GRIK2: variants seen among roughly 807,000 people sequenced by gnomAD.
GRIK2 encodes glutamate receptor ionotropic, kainate 2.
In GRIK2, 32 loss-of-function variants were observed where a neutral mutation model predicts 100.3. The observed-to-expected ratio is 0.32, with a 90% CI of 0.24 to 0.43. The LOEUF is 0.43. Ranked by LOEUF, GRIK2 falls within the 20% of genes least tolerant of loss-of-function variation. GRIK2 has a pLI of 1.00. For missense variants in GRIK2, 843 were observed against 1,114.9 expected (o/e 0.76, Z 3.47); for synonymous variants, 417 against 389.4 (o/e 1.07, Z -0.83).
chr6:101,783,295 A>G (rs1369140471), intron 7 of GRIK2, among the ~76,000 whole-genome samples: 1 of 151,572 alleles, frequency 6.6e-6, no homozygotes, highest in African/African-American at 2.4e-5. Context: ...TGATTTTCAA[A>G]GTGACAGTTT....
intron 2 of GRIK2, among the ~76,000 whole-genome samples, chr6:101,596,230 T>TC (rs1778923428): frequency 7.1e-6 from 1 of 140,330 alleles, no homozygotes; most frequent in Non-Finnish European, 1.6e-5. Flanking sequence ...TGCTGTGTCC[T>TC]TTTTTTTTTT....
chr6:101,880,381 AC>A (rs1786163552), intron 11 of GRIK2, among the ~76,000 whole-genome samples: 2 of 151,928 alleles, frequency 1.3e-5, no homozygotes. Context: ...TAACCACTCC[AC>A]TGATCTCTTG....
At chr6:101,755,112 C>G (rs1004475044) in intron 7 of GRIK2, among the ~76,000 whole-genome samples, 10 of 151,726 alleles carry the variant, frequency 6.6e-5, no homozygotes, top group African/African-American at 2.4e-4. Flanking sequence ...AACTCACTGT[C>G]CCTTATGACA....
At chr6:101,784,282 G>A (rs1192557038) in intron 7 of GRIK2, among the ~76,000 whole-genome samples, 1 of 152,234 alleles carries the variant, frequency 6.6e-6, no homozygotes, top group Non-Finnish European at 1.5e-5. Flanking sequence ...TCCAGTTCCA[G>A]CTCCAGCAGT....
At chr6:101,920,135 A>G (rs764021706) in intron 12 of GRIK2, among the ~76,000 whole-genome samples, 2 of 151,968 alleles carry the variant, frequency 1.3e-5, no homozygotes, top group Non-Finnish European at 2.9e-5. Flanking sequence ...TGTGATAAGT[A>G]TGACTTGACC....
At chr6:101,712,954 C>A (rs904673200) in intron 7 of GRIK2, among the ~76,000 whole-genome samples, 1 of 151,752 alleles carries the variant, frequency 6.6e-6, no homozygotes, top group African/African-American at 2.4e-5. Flanking sequence ...TATCTCCCTA[C>A]CAGTATTGGA....
At chr6:101,923,947 AC>A (rs71547438) in intron 12 of GRIK2, among the ~76,000 whole-genome samples, 1 of 146,824 alleles carries the variant, frequency 6.8e-6, no homozygotes. Flanking sequence ...AAAAAAAAAA[AC>A]CACAACGCTT....
At chr6:101,486,090 C>T (rs1772811017) in intron 2 of GRIK2, among the ~76,000 whole-genome samples, 2 of 152,066 alleles carry the variant, frequency 1.3e-5, no homozygotes, top group Admixed American at 6.6e-5. Context: ...GCCTTAGTCT[C>T]ATGTCAAGAT....
Position 101,802,386 on chromosome 6 carries a change from G to A in GRIK2, c.1151G>A (p.Arg384Lys). The A allele has an allele frequency of 6.3e-7, 1 of 1,593,470 alleles. No homozygotes were observed. Among genetic ancestry groups the A allele is most frequent in the Non-Finnish European group, 8.6e-7 (1 of 1,168,356 alleles). ...RITFNKTNGL[R>K]TDFDLDVISL... is the part of the protein sequence containing the mutation. The stretch of plus-strand genomic sequence containing the variant: ...ACTTTCAACAAAACCAATGGCTTGA[G>A]AACAGATTTTGATTTGGATGTGATC... The change falls in exon 9 of 17, where the codon AGA (arginine) becomes AAA (lysine). Residue 384 changes from arginine to lysine, a missense_variant. Around this residue, in one of 3 missense-constraint regions of GRIK2, gnomAD observed 519 missense variants for 643.8 expected, o/e 0.81. Transcript: ENST00000369134.
intron 2 of GRIK2, among the ~76,000 whole-genome samples, chr6:101,483,818 C>T (rs974308394): frequency 6.6e-6 from 1 of 152,224 alleles, no homozygotes; most frequent in African/African-American, 2.4e-5. Flanking sequence ...CCTCAGTCCG[C>T]CTCAGCCTCC....
chr6:101,867,373 G>C (rs1008056692), intron 11 of GRIK2, among the ~76,000 whole-genome samples: 1 of 22,950 alleles, frequency 4.4e-5, no homozygotes, highest in Admixed American at 5.0e-4. Flanking sequence ...TTTTAAAAGG[G>C]CTAATATATT....
At chr6:101,799,400 A>T (rs571387943) in intron 7 of GRIK2, among the ~76,000 whole-genome samples, 1 of 152,156 alleles carries the variant, frequency 6.6e-6, no homozygotes, top group Admixed American at 6.6e-5. Flanking sequence ...TACTAGGACT[A>T]TATGTAATTG....
chr6:101,847,008 A>T (rs1783851398), intron 10 of GRIK2, among the ~76,000 whole-genome samples: 1 of 148,422 alleles, frequency 6.7e-6, no homozygotes, highest in African/African-American at 2.5e-5. Flanking sequence ...ATTATCTCTG[A>T]GGTAATCTTT....
intron 2 of GRIK2, among the ~76,000 whole-genome samples, chr6:101,581,712 AAC>A (rs1396875586): frequency 2.0e-5 from 3 of 152,180 alleles, no homozygotes; most frequent in Non-Finnish European, 4.4e-5. Context: ...TAGGAGATGA[AAC>A]ACACAAATAT....
Position 101,411,328 on chromosome 6 carries a change from A to G in GRIK2, c.115+11936A>G, listed in dbSNP as rs192110891. ...AACATTGACAAGATAATTTGATCTA[A>G]TCAGTGGTTCTCAAACTTTATATCA... On this transcript the variant is annotated intron_variant, in intron 2 of 16. Transcript: ENST00000369134. Among the ~76,000 whole-genome samples, 14 of 152,234 alleles carry G rather than the reference A, an allele frequency of 9.2e-5. No homozygotes were observed. In the East Asian group the frequency reaches 2.5e-3, roughly 27 times the overall value.
chr6:101,788,314 T>C (rs1319378320), intron 7 of GRIK2, among the ~76,000 whole-genome samples: 1 of 151,998 alleles, frequency 6.6e-6, no homozygotes, highest in African/African-American at 2.4e-5. Flanking sequence ...ACCCATTAAC[T>C]CGTCATTTAG....
chr6:101,485,795 A>G (rs1391379970), intron 2 of GRIK2, among the ~76,000 whole-genome samples: 1 of 152,194 alleles, frequency 6.6e-6, no homozygotes, highest in Non-Finnish European at 1.5e-5. Context: ...TAGGCAAAGA[A>G]AAGTGATAGT....
intron 2 of GRIK2, among the ~76,000 whole-genome samples, chr6:101,459,099 A>G (rs1046451908): frequency 8.9e-5 from 5 of 56,362 alleles, no homozygotes; most frequent in South Asian, 1.8e-3. Context: ...TAAGGTCCCC[A>G]GAACACCATT....
chr6:101,576,538 CA>C (rs1446444304), intron 2 of GRIK2, among the ~76,000 whole-genome samples: 1 of 151,862 alleles, frequency 6.6e-6, no homozygotes, highest in Non-Finnish European at 1.5e-5. Context: ...CATTTGTATG[CA>C]GGAAACTGAT....
Sources: allele counts gnomAD v4.1 joint callset (sites outside exome capture counted in the v4.1 genomes callset), GRCh38; gene constraint gnomAD v4.1.1; regional missense constraint gnomAD v4.1.1; transcripts MANE v1.5; gene names NCBI Gene and HGNC (gene_info 2026-07-23, HGNC 2026-07-21).